EYA4: variants seen among roughly 807,000 people sequenced by gnomAD.
The protein encoded by EYA4 is EYA transcriptional coactivator and phosphatase 4, also known as protein phosphatase EYA4.
In EYA4, 31 loss-of-function variants were observed where a neutral mutation model predicts 87.9. The observed-to-expected ratio is 0.35, with a 90% confidence interval of 0.27 to 0.48. EYA4 has a LOEUF of 0.48. EYA4 is among the 20% of genes least tolerant of loss of function. The pLI is 0.99. For missense variants in EYA4, 678 were observed against 761.4 expected, an observed-to-expected ratio of 0.89 and a Z score of 1.29; for synonymous variants, 263 against 270.6, an observed-to-expected ratio of 0.97 and a Z score of 0.28.
intron 1 of EYA4, among the ~76,000 whole-genome samples, chr6:133,249,441 A>T (rs1774701690): frequency 6.6e-6 from 1 of 152,162 alleles, no homozygotes; most frequent in Admixed American, 6.5e-5. Flanking sequence ...GATTTTTATG[A>T]GGTCCCTCCT....
At chr6:133,379,250 T>C (rs1023931593) in intron 2 of EYA4, among the ~76,000 whole-genome samples, 1 of 152,084 alleles carries the variant, frequency 6.6e-6, no homozygotes, top group Non-Finnish European at 1.5e-5. Flanking sequence ...GCCACTGCAC[T>C]CCTGCCTAAA....
At chr6:133,307,844 T>G (rs10872404) in intron 2 of EYA4, among the ~76,000 whole-genome samples, 1 of 152,010 alleles carries the variant, frequency 6.6e-6, no homozygotes, top group African/African-American at 2.4e-5. Flanking sequence ...TGATATGGTT[T>G]GATTGTGTCA....
At chr6:133,428,911 C>CTTTTTGTTTT (rs1790921758) in intron 3 of EYA4, among the ~76,000 whole-genome samples, 1 of 48,232 alleles carries the variant, frequency 2.1e-5, no homozygotes, top group Non-Finnish European at 3.6e-5. Flanking sequence ...GATTTAGCTT[C>CTTTTTGTTTT]TTTTTTTTTT....
intron 13 of EYA4, among the ~76,000 whole-genome samples, chr6:133,486,243 A>C (rs1179513812): frequency 2.6e-5 from 4 of 152,194 alleles, no homozygotes; most frequent in Admixed American, 2.6e-4. Flanking sequence ...TTGTTTTATC[A>C]TTGACAATTT....
chr6:133,265,329 CTAA>C lies in EYA4; in HGVS notation c.-65-9381_-65-9379del, dbSNP rs547218456. Among the ~76,000 whole-genome samples, 197 of 151,810 alleles carry C rather than the reference CTAA, an allele frequency of 1.3e-3. 1 individual carries two copies. The highest frequency in any genetic ancestry group is 4.5e-3 in the African/African-American group (185 of 41,448). On this transcript the variant is annotated intron_variant, in intron 1 of 19. Coordinates refer to ENST00000355286, the MANE Select transcript of EYA4 (RefSeq NM_004100.5). The stretch of plus-strand genomic sequence containing the variant: ...AAACCGCAATTGTTTTTGCACAAAC[CTAA>C]TAATACTGTTTGAAATTCATATTTT...
At chr6:133,306,414 C>A (rs917961340) in intron 2 of EYA4, among the ~76,000 whole-genome samples, 2 of 152,102 alleles carry the variant, frequency 1.3e-5, no homozygotes, top group African/African-American at 4.8e-5. Context: ...CTGGTAGAGC[C>A]AGTACTGTAA....
In EYA4 at chr6:133,461,222, T is replaced by C. The variant is rs9483582; in HGVS notation, c.437+42T>C. 3,072 of 1,307,104 alleles carry C rather than the reference T, an allele frequency of 2.4e-3. 53 individuals carry two copies. The African/African-American group carries it at 0.034, about 15-fold the overall frequency. 81.0% of individuals were successfully genotyped at this position (1,307,104 alleles called of 1,614,324 possible). A position where few individuals can be genotyped will look rare whatever the true frequency, so the allele number is the denominator to read the frequency against. ...TTCTTGCTTTAAATTGGCAAACATT[T>C]ATGTCTATACATGTTTTATAGATGG... On this transcript the variant is annotated intron_variant, in intron 7 of 19. Coordinates refer to ENST00000355286, the MANE Select transcript of EYA4 (RefSeq NM_004100.5).
chr6:133,249,992 A>T (rs1200763601), intron 1 of EYA4, among the ~76,000 whole-genome samples: 1 of 152,240 alleles, frequency 6.6e-6, no homozygotes, highest in Non-Finnish European at 1.5e-5. Flanking sequence ...GGTAGTTGTT[A>T]TATTCCCATT....
chr6:133,356,573 A>T (rs1466210796), intron 2 of EYA4, among the ~76,000 whole-genome samples: 1 of 152,106 alleles, frequency 6.6e-6, no homozygotes, highest in Non-Finnish European at 1.5e-5. Context: ...TGCTGAAGTG[A>T]TCGTAGTGTC....
intron 2 of EYA4, among the ~76,000 whole-genome samples, chr6:133,325,917 C>T (rs563575895): frequency 2.6e-5 from 4 of 152,346 alleles, no homozygotes; most frequent in African/African-American, 7.2e-5. Flanking sequence ...CCACATCCTC[C>T]TCTGTCATTA....
chr6:133,400,745 T>C (rs1050846216), intron 3 of EYA4, among the ~76,000 whole-genome samples: 1 of 152,172 alleles, frequency 6.6e-6, no homozygotes, highest in Non-Finnish European at 1.5e-5. Context: ...GGAGATATCT[T>C]AAATTGTTAT....
chr6:133,332,545 CT>C (rs202209158), intron 2 of EYA4, among the ~76,000 whole-genome samples: 1 of 150,706 alleles, frequency 6.6e-6, no homozygotes, highest in East Asian at 2.0e-4. Context: ...TTGAGGCTTT[CT>C]TTTTTTTTGA....
At chr6:133,388,639 C>T (rs1397051815) in intron 3 of EYA4, among the ~76,000 whole-genome samples, 1 of 152,138 alleles carries the variant, frequency 6.6e-6, no homozygotes, top group African/African-American at 2.4e-5. Flanking sequence ...TAATATAGTA[C>T]ATGTCCCTTC....
intron 6 of EYA4, among the ~76,000 whole-genome samples, chr6:133,457,147 G>A (rs938148849): frequency 1.3e-5 from 2 of 152,268 alleles, no homozygotes; most frequent in Admixed American, 1.3e-4. Flanking sequence ...CTGCAGGAGA[G>A]CACATGCTGG....
chr6:133,520,108 C>A (rs1799976666), intron 17 of EYA4, among the ~76,000 whole-genome samples: 1 of 151,784 alleles, frequency 6.6e-6, no homozygotes, highest in African/African-American at 2.4e-5. Flanking sequence ...CACTCCTATT[C>A]AACATAGTGT....
chr6:133,356,824 A>T (rs966144959), intron 2 of EYA4, among the ~76,000 whole-genome samples: 1 of 148,004 alleles, frequency 6.8e-6, no homozygotes, highest in Non-Finnish European at 1.5e-5. Flanking sequence ...TTTTTTTGAG[A>T]CGGATTCTCA....
chr6:133,428,953 G>C (rs1415000031), intron 3 of EYA4, among the ~76,000 whole-genome samples: 1 of 67,016 alleles, frequency 1.5e-5, no homozygotes, highest in Non-Finnish European at 2.8e-5. Context: ...GTGAAATGGA[G>C]TCTCACTCTG....
chr6:133,400,773 A>G (rs1444136412), intron 3 of EYA4, among the ~76,000 whole-genome samples: 1 of 152,156 alleles, frequency 6.6e-6, no homozygotes, highest in East Asian at 1.9e-4. Context: ...GTACAATTTA[A>G]CATAAATTTA....
intron 2 of EYA4, among the ~76,000 whole-genome samples, chr6:133,314,576 A>T (rs193275913): frequency 2.8e-4 from 42 of 152,298 alleles, no homozygotes; most frequent in African/African-American, 9.6e-4. Flanking sequence ...TAATTCTCCA[A>T]CATGGTAATA....
Sources: gnomAD v4.1 joint callset for allele counts (sites outside exome capture counted in the v4.1 genomes callset) on GRCh38, gnomAD v4.1.1 for gene constraint, MANE v1.5 for transcripts, NCBI Gene and HGNC (gene_info 2026-07-23, HGNC 2026-07-21) for gene names.